GLI2: variants seen among roughly 807,000 people sequenced by gnomAD.
GLI2 encodes GLI family zinc finger 2.
Under a neutral mutation model 78.9 loss-of-function variants are expected in GLI2, and 22 were observed. The ratio of observed to expected loss-of-function variants is 0.28; its 90% CI spans 0.20 to 0.40. GLI2 has a LOEUF of 0.40. Ranked by LOEUF, GLI2 falls within the 10% of genes least tolerant of loss-of-function variation. The probability of loss-of-function intolerance (pLI) is 1.00; values close to 1 mark genes in which losing one functional copy is unlikely to be tolerated. For synonymous variants in GLI2, 974 were observed against 963.7 expected, an observed-to-expected ratio of 1.01 and a Z score of -0.20; for missense variants, 2,097 against 2,213.2, an observed-to-expected ratio of 0.95 and a Z score of 1.05.
intron 2 of GLI2, among the ~76,000 whole-genome samples, chr2:120,855,147 C>T (rs368037125): frequency 1.3e-5 from 2 of 152,198 alleles, no homozygotes; most frequent in East Asian, 3.8e-4. Flanking sequence ...TGCAAACTCA[C>T]AGAAATAAAC....
chr2:120,886,730 C>G (rs1379027600), intron 2 of GLI2, among the ~76,000 whole-genome samples: 1 of 152,208 alleles, frequency 6.6e-6, no homozygotes, highest in Non-Finnish European at 1.5e-5. Context: ...TGGAGTGGGA[C>G]TGCGGTAGCC....
chr2:120,761,893 T>C (rs1433951635), intron 1 of GLI2, among the ~76,000 whole-genome samples: 3 of 152,146 alleles, frequency 2.0e-5, no homozygotes, highest in Admixed American at 1.3e-4. Flanking sequence ...CTGCACCCTC[T>C]TGGTCCTTAG....
chr2:120,982,971 G>A, intron 11 of GLI2, 91 bp downstream of exon 11: 1 of 1,289,836 alleles, frequency 7.8e-7, no homozygotes, highest in Non-Finnish European at 1.1e-6. Context: ...TAGATAGCCA[G>A]GTGCCCCATG....
At chr2:120,884,517 T>TA (rs892561161) in intron 2 of GLI2, among the ~76,000 whole-genome samples, 1 of 152,198 alleles carries the variant, frequency 6.6e-6, no homozygotes, top group African/African-American at 2.4e-5. Context: ...GGTTTCCAGC[T>TA]AAACCTTCCA....
intron 1 of GLI2, among the ~76,000 whole-genome samples, chr2:120,773,090 C>G (rs769566086): frequency 6.6e-6 from 1 of 152,198 alleles, no homozygotes; most frequent in Non-Finnish European, 1.5e-5. Flanking sequence ...GTTGTTTTCA[C>G]TATTTTGACA....
chr2:120,823,071 A>G (rs1573433764), intron 2 of GLI2, among the ~76,000 whole-genome samples: 1 of 482 alleles, frequency 2.1e-3, no homozygotes, highest in South Asian at 0.083. Flanking sequence ...ACCTGCTCCC[A>G]CCCCCTGCAC....
rs754272697 is a variant in GLI2, at chr2:120,955,334, G to C, written c.547G>C (p.Val183Leu). 2.6e-5 allele frequency: 42 copies of C among 1,613,132 alleles called. No individual in the cohort carries two copies. Among genetic ancestry groups the C allele is most frequent in the Non-Finnish European group, 3.4e-5 (40 of 1,179,356 alleles). The change falls in exon 5 of 14, where the codon GTG becomes CTG. Residue 183 changes from valine to leucine, a missense_variant. By Grantham distance (32) the Val-to-Leu change is conservative. Coordinates refer to ENST00000361492, the MANE Select transcript of GLI2 (RefSeq NM_001374353.1). ...PSDYYHQMTL[V>L]AGHPAPYGDL... ...AGACTATTACCACCAGATGACCCTC[G>C]TGGCAGGCCACCCCGCGCCCTACGG...
intron 2 of GLI2, among the ~76,000 whole-genome samples, chr2:120,920,203 G>T (rs1679300866): frequency 6.6e-6 from 1 of 152,242 alleles, no homozygotes; most frequent in African/African-American, 2.4e-5. Context: ...TGTCCTGGGA[G>T]GTGGCTGCTT....
chr2:120,771,546 T>A (rs115638077), intron 1 of GLI2, among the ~76,000 whole-genome samples: 1 of 151,874 alleles, frequency 6.6e-6, no homozygotes, highest in Non-Finnish European at 1.5e-5. Context: ...AGAAGATGTT[T>A]CTGTTGAAAG....
chr2:120,950,984 G>T (rs945974548), intron 3 of GLI2, among the ~76,000 whole-genome samples: 1 of 152,254 alleles, frequency 6.6e-6, no homozygotes, highest in South Asian at 2.1e-4. Flanking sequence ...CGGGTGCGAG[G>T]TCCATTCTCC....
chr2:120,900,985 C>A (rs1678223788), intron 2 of GLI2, among the ~76,000 whole-genome samples: 7 of 152,152 alleles, frequency 4.6e-5, no homozygotes, highest in Admixed American at 3.9e-4. Flanking sequence ...TGTAAATCTT[C>A]ACTTTGGGGT....
chr2:120,972,655 G>A (rs1431407236), intron 8 of GLI2: 2 of 518,998 alleles, frequency 3.9e-6, no homozygotes, highest in Admixed American at 3.9e-5. Flanking sequence ...TGGGTTCCAT[G>A]CCACCAGGGT....
chr2:120,868,774 C>G (rs1239912902), intron 2 of GLI2, among the ~76,000 whole-genome samples: 1 of 152,180 alleles, frequency 6.6e-6, no homozygotes, highest in East Asian at 1.9e-4. Context: ...AGGGATGCAG[C>G]AGCAGTGTCC....
At chr2:120,798,547 T>G (rs1015555994) in intron 2 of GLI2, among the ~76,000 whole-genome samples, 3 of 152,082 alleles carry the variant, frequency 2.0e-5, no homozygotes, top group Non-Finnish European at 4.4e-5. Flanking sequence ...CGGTTCTAAG[T>G]GGGAGGTCAT....
chr2:120,865,283 G>T (rs1227874847), intron 2 of GLI2, among the ~76,000 whole-genome samples: 3 of 152,210 alleles, frequency 2.0e-5, no homozygotes, highest in African/African-American at 7.2e-5. Flanking sequence ...GCCAGGTCCT[G>T]CTGTCTGCAT....
In GLI2 at chr2:120,990,632, C is replaced by A. The variant is rs1390539682; in HGVS notation, c.4667C>A (p.Thr1556Asn). 1 of 1,613,328 alleles carries A rather than the reference C, an allele frequency of 6.2e-7. No homozygotes were observed. Among genetic ancestry groups the A allele is most frequent in the Admixed American group, 1.7e-5 (1 of 60,022 alleles). ...GTCGGGGACATGAGCTCCATGCTCACCAGCCTCGCCGAGGAGAGCAAGTTC... is the reference window on the plus strand; with the variant it reads ...GTCGGGGACATGAGCTCCATGCTCAACAGCCTCGCCGAGGAGAGCAAGTTC... ...MAVGDMSSML[T>N]SLAEESKFLN... is the part of the protein sequence containing the mutation. The change falls in exon 14 of 14, where the codon ACC (threonine) becomes AAC (asparagine). Residue 1556 changes from threonine (T) to asparagine (N), a missense_variant. Thr to Asn is a moderately conservative substitution (Grantham distance 65, BLOSUM62 0). Transcript: ENST00000361492.
At chr2:120,746,384 A>AC (rs1205676073) in intron 1 of GLI2, among the ~76,000 whole-genome samples, 2 of 151,784 alleles carry the variant, frequency 1.3e-5, no homozygotes, top group East Asian at 1.9e-4. Context: ...CTCGAGCTGC[A>AC]CCCCCCCAGA....
At chr2:120,744,671 A>G (rs1258662645) in intron 1 of GLI2, among the ~76,000 whole-genome samples, 1 of 152,198 alleles carries the variant, frequency 6.6e-6, no homozygotes. Flanking sequence ...AGATTCCTTT[A>G]GAATTAGATT....
chr2:120,748,611 G>A (rs535823836), intron 1 of GLI2, among the ~76,000 whole-genome samples: 28 of 152,292 alleles, frequency 1.8e-4, no homozygotes, highest in South Asian at 6.2e-4. Flanking sequence ...TTTAGCTTCA[G>A]GTCATGGGAC....
Sources: gnomAD v4.1 joint callset for allele counts (sites outside exome capture counted in the v4.1 genomes callset) on GRCh38, gnomAD v4.1.1 for gene constraint, MANE v1.5 for transcripts, NCBI Gene and HGNC (gene_info 2026-07-23, HGNC 2026-07-21) for gene names.